Variants in TBC1D32 observed in about 807,000 individuals in gnomAD.
TBC1D32 encodes the protein protein broad-minded.
A neutral mutation model predicts 170.3 loss-of-function variants in TBC1D32; 151 were observed. That is an observed-to-expected ratio of 0.89 (90% confidence interval 0.78 to 1.01). The LOEUF is 1.01. Ranked by LOEUF, TBC1D32 falls within the 50% of genes least tolerant of loss-of-function variation. The pLI, the probability that TBC1D32 is intolerant of heterozygous loss-of-function variation, is 0.00. For missense variants in TBC1D32, 1,464 were observed against 1,457.1 expected, an observed-to-expected ratio of 1.00 and a Z score of -0.08; for synonymous variants, 498 against 488.0, an observed-to-expected ratio of 1.02 and a Z score of -0.27.
Position 121,140,097 on chromosome 6 carries a change from C to G in TBC1D32, c.2774-8345G>C, listed in dbSNP as rs148558472. Among the ~76,000 whole-genome samples, 663 of 152,008 alleles carry G rather than the reference C, an allele frequency of 4.4e-3. 4 individuals are homozygous for G. Among genetic ancestry groups the G allele is most frequent in the Non-Finnish European group, 7.0e-3 (476 of 67,902 alleles). On this transcript the variant is annotated intron_variant, in intron 24 of 31. Coordinates refer to ENST00000398212, the MANE Select transcript of TBC1D32 (RefSeq NM_152730.6). The stretch of plus-strand genomic sequence containing the variant: ...AAATAATACAGATGCAATATAGTGG[C>G]TTAGCATCATGGTCTTTACCTAAGA...
intron 15 of TBC1D32, among the ~76,000 whole-genome samples, chr6:121,275,575 C>T (rs1802101852): frequency 6.6e-6 from 1 of 151,974 alleles, no homozygotes; most frequent in African/African-American, 2.4e-5. Context: ...CATTAGGTTG[C>T]CAAAACATTT....
intron 17 of TBC1D32, among the ~76,000 whole-genome samples, chr6:121,252,679 AT>A (rs1798452548): frequency 6.6e-6 from 1 of 152,178 alleles, no homozygotes. Flanking sequence ...TGGCACATGT[AT>A]ACCTATGTAA....
At chr6:121,154,037 T>C (rs1328611904) in intron 24 of TBC1D32, among the ~76,000 whole-genome samples, 1 of 22,306 alleles carries the variant, frequency 4.5e-5, no homozygotes, top group African/African-American at 2.2e-4. Context: ...GACACTAGGG[T>C]ACAAAAAAAA....
intron 30 of TBC1D32, among the ~76,000 whole-genome samples, chr6:121,097,084 TA>T (rs1777501333): frequency 1.3e-5 from 2 of 151,840 alleles, no homozygotes; most frequent in South Asian, 4.2e-4. Flanking sequence ...GACCTCAAAT[TA>T]TAAAAACCCT....
At chr6:121,273,985 T>G (rs1801865640) in intron 15 of TBC1D32, among the ~76,000 whole-genome samples, 1 of 152,120 alleles carries the variant, frequency 6.6e-6, no homozygotes, top group South Asian at 2.1e-4. Context: ...GGAGGCTGCT[T>G]GATTCACAAA....
At chr6:121,293,158 A>T (rs1805122331) in intron 11 of TBC1D32, among the ~76,000 whole-genome samples, 1 of 151,912 alleles carries the variant, frequency 6.6e-6, no homozygotes, top group Non-Finnish European at 1.5e-5. Flanking sequence ...GTAATGAAGC[A>T]CCCTGAGGTC....
chr6:121,246,215 C>A (rs1360473342), intron 17 of TBC1D32, among the ~76,000 whole-genome samples: 1 of 152,170 alleles, frequency 6.6e-6, no homozygotes, highest in Non-Finnish European at 1.5e-5. Flanking sequence ...AACTTGCCCA[C>A]ACACCAAGTA....
At chr6:121,103,478 G>A (rs1778360286) in intron 30 of TBC1D32, among the ~76,000 whole-genome samples, 3 of 150,684 alleles carry the variant, frequency 2.0e-5, no homozygotes, top group African/African-American at 7.3e-5. Context: ...GCAAACTATT[G>A]CAAGGACAGA....
At chr6:121,239,034 T>C (rs965038291) in intron 20 of TBC1D32, 36 bp downstream of exon 20, 1 of 1,193,730 alleles carries the variant, frequency 8.4e-7, no homozygotes, top group African/African-American at 1.5e-5. Context: ...GAAATACTTT[T>C]CAAATCTGTG....
intron 24 of TBC1D32, among the ~76,000 whole-genome samples, chr6:121,148,436 C>T (rs1415221894): frequency 1.3e-5 from 2 of 152,096 alleles, no homozygotes; most frequent in Non-Finnish European, 1.5e-5. Flanking sequence ...AACAGTGCTG[C>T]AATAAACATA....
At chr6:121,125,453 C>T (rs1055006445) in intron 26 of TBC1D32, among the ~76,000 whole-genome samples, 2 of 151,898 alleles carry the variant, frequency 1.3e-5, no homozygotes, top group African/African-American at 4.8e-5. Context: ...CTAGGCCCCT[C>T]GGTATCTCCT....
intron 22 of TBC1D32, among the ~76,000 whole-genome samples, chr6:121,178,902 A>G (rs1788143250): frequency 6.6e-6 from 1 of 152,194 alleles, no homozygotes; most frequent in South Asian, 2.1e-4. Flanking sequence ...TAGGAAGCAG[A>G]TCTTTCTCGA....
At chr6:121,266,561 G>T (rs1245106968) in intron 15 of TBC1D32, among the ~76,000 whole-genome samples, 1 of 151,924 alleles carries the variant, frequency 6.6e-6, no homozygotes, top group Non-Finnish European at 1.5e-5. Flanking sequence ...CCCACTACTG[G>T]GTATATACCC....
At chr6:121,202,055 A>G (rs2128300458) in intron 22 of TBC1D32, among the ~76,000 whole-genome samples, 1 of 151,298 alleles carries the variant, frequency 6.6e-6, no homozygotes, top group East Asian at 1.9e-4. Flanking sequence ...AAATGTATAA[A>G]TTGAGATGTC....
intron 22 of TBC1D32, among the ~76,000 whole-genome samples, chr6:121,192,923 T>C (rs1189943693): frequency 2.0e-5 from 3 of 152,112 alleles, no homozygotes; most frequent in Non-Finnish European, 4.4e-5. Flanking sequence ...AAAATAATGT[T>C]GATTCTCCTC....
intron 12 of TBC1D32, among the ~76,000 whole-genome samples, chr6:121,290,717 A>G (rs948858140): frequency 2.0e-5 from 3 of 151,910 alleles, no homozygotes; most frequent in African/African-American, 7.3e-5. Context: ...TTATTGCGGC[A>G]CTATTCACAA....
intron 13 of TBC1D32, among the ~76,000 whole-genome samples, chr6:121,283,249 A>C (rs1239272728): frequency 1.3e-5 from 2 of 151,878 alleles, no homozygotes; most frequent in Non-Finnish European, 2.9e-5. Context: ...TTTTATTATT[A>C]AGTGTTTTAC....
chr6:121,154,157 C>A (rs549086185), intron 24 of TBC1D32, among the ~76,000 whole-genome samples: 1 of 151,940 alleles, frequency 6.6e-6, no homozygotes, highest in Non-Finnish European at 1.5e-5. Flanking sequence ...CTCTGGGTTG[C>A]GAAGATGGTG....
intron 29 of TBC1D32, 71 bp from the exon 30 acceptor site, chr6:121,106,234 T>A (rs1173661665): frequency 7.3e-6 from 7 of 958,012 alleles, no homozygotes; most frequent in African/African-American, 3.4e-5. Flanking sequence ...TTTAAAATAA[T>A]CCAACATACC....
Sources: gnomAD v4.1 joint callset for allele counts (sites outside exome capture counted in the v4.1 genomes callset) on GRCh38, gnomAD v4.1.1 for gene constraint, MANE v1.5 for transcripts, NCBI Gene and HGNC (gene_info 2026-07-23, HGNC 2026-07-21) for gene names.